The following FAM135B variants were observed in gnomAD, a reference collection of about 807,000 sequenced individuals.
FAM135B encodes protein FAM135B.
A neutral mutation model predicts 127.7 loss-of-function variants in FAM135B; 43 were observed. That is an observed-to-expected ratio of 0.34 (90% CI 0.26 to 0.43). The LOEUF (loss-of-function observed/expected upper bound fraction) is 0.43, where lower values mean the gene tolerates loss of function less well. Ranked by LOEUF, FAM135B falls within the 20% of genes least tolerant of loss-of-function variation. The pLI is 1.00. For missense variants in FAM135B, 1,558 were observed against 1,725.6 expected (o/e 0.90, Z 1.72); for synonymous variants, 670 against 665.1 (o/e 1.01, Z -0.11).
chr8:138,272,376 A>G (rs1226609713), intron 3 of FAM135B, among the ~76,000 whole-genome samples: 2 of 152,212 alleles, frequency 1.3e-5, no homozygotes, highest in Non-Finnish European at 2.9e-5. Context: ...TAGTTCTAAT[A>G]TCCAGAATTT....
At chr8:138,338,630 G>A (rs1172405244) in intron 2 of FAM135B, among the ~76,000 whole-genome samples, 1 of 150,782 alleles carries the variant, frequency 6.6e-6, no homozygotes, top group Non-Finnish European at 1.5e-5. Context: ...GAGAGGATGT[G>A]GAGAAATAGG....
intron 1 of FAM135B, among the ~76,000 whole-genome samples, chr8:138,444,947 G>A (rs1030527138): frequency 2.3e-4 from 35 of 152,076 alleles, no homozygotes; most frequent in Middle Eastern, 3.4e-3. Context: ...TCAAATAGCC[G>A]CAATAAAAAA....
chr8:138,488,388 T>C (rs980041289), intron 1 of FAM135B, among the ~76,000 whole-genome samples: 37 of 151,976 alleles, frequency 2.4e-4, no homozygotes, highest in African/African-American at 8.7e-4. Flanking sequence ...GATGCATCTC[T>C]ACTATTTCAG....
intron 4 of FAM135B, among the ~76,000 whole-genome samples, 162 bp from the exon 5 acceptor site, chr8:138,256,921 G>T (rs1195964674): frequency 6.6e-6 from 1 of 152,136 alleles, no homozygotes; most frequent in Non-Finnish European, 1.5e-5. Context: ...TGGAGTTCTG[G>T]GTGAACAGGA....
chr8:138,444,177 C>G (rs1474573828), intron 1 of FAM135B, among the ~76,000 whole-genome samples: 2 of 152,144 alleles, frequency 1.3e-5, no homozygotes, highest in African/African-American at 2.4e-5. Context: ...TACAAAGAGA[C>G]TTAGGCTCCC....
chr8:138,351,728 T>G (rs1829799512), intron 2 of FAM135B, among the ~76,000 whole-genome samples: 1 of 150,188 alleles, frequency 6.7e-6, no homozygotes, highest in Non-Finnish European at 1.5e-5. Context: ...CTCACTCTGT[T>G]GCTCAGGCTG....
chr8:138,134,322 T>C (rs980667984), intron 19 of FAM135B, among the ~76,000 whole-genome samples: 2 of 152,186 alleles, frequency 1.3e-5, no homozygotes. Context: ...TAGAAGCATA[T>C]ATTGTTACAC....
intron 1 of FAM135B, among the ~76,000 whole-genome samples, chr8:138,485,254 T>G (rs191226301): frequency 7.9e-5 from 12 of 152,334 alleles, no homozygotes; most frequent in African/African-American, 2.2e-4. Context: ...AGTGTTGTCA[T>G]GGGTTGATGG....
rs867860786 is a variant in FAM135B at position 138,338,753 on chromosome 8, C to T, written c.78-27833G>A. Among the ~76,000 whole-genome samples, 1,297 of 152,132 alleles carry T rather than the reference C, an allele frequency of 8.5e-3. 22 individuals are homozygous for T. The highest frequency in any genetic ancestry group is 0.03 in the African/African-American group (1,242 of 41,470). ...AATACCATTTGACTCAGCCATCCCA[C>T]TACTGGGTATATACCCAAAGGATTA... On this transcript the variant is annotated intron_variant, in intron 2 of 19. Transcript: ENST00000395297.
chr8:138,134,686 C>A (rs918319641), intron 19 of FAM135B, among the ~76,000 whole-genome samples: 5 of 150,668 alleles, frequency 3.3e-5, no homozygotes, highest in Non-Finnish European at 5.9e-5. Context: ...GTACTTCTTC[C>A]AGAAAAAAAA....
intron 3 of FAM135B, among the ~76,000 whole-genome samples, chr8:138,277,875 G>A (rs1421084432): frequency 6.6e-6 from 1 of 152,146 alleles, no homozygotes; most frequent in Non-Finnish European, 1.5e-5. Flanking sequence ...GAAATACTGA[G>A]AATTCCAGGG....
intron 12 of FAM135B, among the ~76,000 whole-genome samples, chr8:138,156,051 G>A (rs1031263384): frequency 2.0e-5 from 3 of 152,134 alleles, no homozygotes; most frequent in Non-Finnish European, 2.9e-5. Flanking sequence ...TGGAAGTAAA[G>A]CACTCCTCAG....
At chr8:138,431,818 G>A (rs2131508398) in intron 1 of FAM135B, among the ~76,000 whole-genome samples, 2 of 152,272 alleles carry the variant, frequency 1.3e-5, no homozygotes, top group African/African-American at 4.8e-5. Context: ...CTTTAGGTTT[G>A]CAAGATGGAA....
intron 3 of FAM135B, among the ~76,000 whole-genome samples, chr8:138,302,411 G>A (rs1825954447): frequency 6.6e-6 from 1 of 152,206 alleles, no homozygotes; most frequent in African/African-American, 2.4e-5. Flanking sequence ...CATTGTACTG[G>A]GTGAAGTTTC....
intron 15 of FAM135B, 107 bp from the exon 16 acceptor site, chr8:138,143,216 TG>T: frequency 1.5e-6 from 1 of 661,684 alleles, no homozygotes; most frequent in Non-Finnish European, 2.7e-6. Flanking sequence ...ACTGGGGATG[TG>T]CCTACCTCTG....
At chr8:138,218,219 A>G (rs954283261) in intron 7 of FAM135B, among the ~76,000 whole-genome samples, 1 of 152,218 alleles carries the variant, frequency 6.6e-6, no homozygotes. Context: ...AAAGATAGAA[A>G]TAATTCTACT....
intron 1 of FAM135B, among the ~76,000 whole-genome samples, chr8:138,384,851 T>C (rs1832089277): frequency 6.6e-6 from 1 of 152,052 alleles, no homozygotes; most frequent in African/African-American, 2.4e-5. Context: ...GCTACTCTTC[T>C]TCCCCTCCCT....
chr8:138,419,671 A>T (rs1049294786), intron 1 of FAM135B, among the ~76,000 whole-genome samples: 2 of 152,212 alleles, frequency 1.3e-5, no homozygotes, highest in African/African-American at 4.8e-5. Flanking sequence ...ACCACAGCAC[A>T]ATTAAAAATA....
At chr8:138,247,910 C>T (rs1821408832) in intron 6 of FAM135B, among the ~76,000 whole-genome samples, 1 of 152,202 alleles carries the variant, frequency 6.6e-6, no homozygotes, top group Non-Finnish European at 1.5e-5. Context: ...AGTCTCTTAT[C>T]CTCTGGATGT....
Sources: allele counts gnomAD v4.1 joint callset (sites outside exome capture counted in the v4.1 genomes callset), GRCh38; gene constraint gnomAD v4.1.1; transcripts MANE v1.5; gene names NCBI Gene and HGNC (gene_info 2026-07-23, HGNC 2026-07-21).